Variants in TRERF1 observed in about 807,000 individuals in gnomAD.
TRERF1 encodes the protein transcriptional regulating factor 1.
In TRERF1, 27 loss-of-function variants were observed where a neutral mutation model predicts 122.9. The observed-to-expected ratio is 0.22, with a 90% confidence interval of 0.16 to 0.30. The LOEUF (loss-of-function observed/expected upper bound fraction) is 0.30. Ranked by LOEUF, TRERF1 falls within the 10% of genes least tolerant of loss-of-function variation. The pLI is 1.00. For missense variants in TRERF1, 1,248 were observed against 1,560.3 expected (o/e 0.80, Z 3.37); for synonymous variants, 636 against 641.7 (o/e 0.99, Z 0.13).
intron 13 of TRERF1, among the ~76,000 whole-genome samples, chr6:42,248,510 A>T (rs779467406): frequency 6.6e-6 from 1 of 151,986 alleles, no homozygotes; most frequent in Non-Finnish European, 1.5e-5. Context: ...GTGCCACCAC[A>T]CCTGGCTAAT....
intron 2 of TRERF1, among the ~76,000 whole-genome samples, chr6:42,389,853 T>C (rs1462020760): frequency 6.6e-6 from 1 of 152,240 alleles, no homozygotes; most frequent in Non-Finnish European, 1.5e-5. Context: ...AGAAGCTTCA[T>C]TTCTCAGGAC....
At chr6:42,375,261 C>G (rs1329660804) in intron 2 of TRERF1, among the ~76,000 whole-genome samples, 1 of 152,120 alleles carries the variant, frequency 6.6e-6, no homozygotes, top group East Asian at 1.9e-4. Context: ...TGCCTTCTGG[C>G]TGAAGATGCA....
chr6:42,256,921 G>C (rs752202869), intron 11 of TRERF1, 42 bp downstream of exon 11: 1 of 1,613,552 alleles, frequency 6.2e-7, no homozygotes, highest in South Asian at 1.1e-5. Flanking sequence ...CTCAGTGAGA[G>C]AATCAAACCT....
intron 4 of TRERF1, among the ~76,000 whole-genome samples, chr6:42,270,144 CCACTG>C (rs1447637220): frequency 1.3e-5 from 2 of 152,188 alleles, no homozygotes; most frequent in Admixed American, 6.5e-5. Context: ...TATGACTGCA[CCACTG>C]CACTGCAGCC....
chr6:42,228,340 G>A lies in TRERF1; in HGVS notation c.*5C>T. 1 of 1,604,772 alleles carries A rather than the reference G, an allele frequency of 6.2e-7. No individual in the cohort carries two copies. Among genetic ancestry groups the A allele is most frequent in the African/African-American group, 1.3e-5 (1 of 74,842 alleles). On this transcript the variant is annotated 3_prime_UTR_variant, in exon 18 of 18. Transcript: ENST00000372922. This position sits in a 1 kb window ranked among gnomAD's most constrained non-coding sequence, Gnocchi z 4.2. ...TTTCACTGTCTCTAAGTGACACACA[G>A]GGCTTTATAGTTCTGCGTCACCCTG...
At chr6:42,441,489 C>T (rs908796063) in intron 2 of TRERF1, among the ~76,000 whole-genome samples, 5 of 152,102 alleles carry the variant, frequency 3.3e-5, no homozygotes, top group African/African-American at 2.4e-5. Context: ...CATTTGCATT[C>T]GAGAGCTCAG....
chr6:42,242,342 C>T (rs1194527410), intron 15 of TRERF1, among the ~76,000 whole-genome samples: 1 of 152,228 alleles, frequency 6.6e-6, no homozygotes, highest in Non-Finnish European at 1.5e-5. Context: ...AAATAACACA[C>T]ATACATGTGC....
chr6:42,433,302 A>G (rs1784768147), intron 2 of TRERF1, among the ~76,000 whole-genome samples: 2 of 152,144 alleles, frequency 1.3e-5, no homozygotes, highest in Admixed American at 1.3e-4. Context: ...CCAAGATACC[A>G]GAAAAAAAAG....
At chr6:42,318,164 A>AG in intron 3 of TRERF1, among the ~76,000 whole-genome samples, 1 of 152,286 alleles carries the variant, frequency 6.6e-6, no homozygotes, top group African/African-American at 2.4e-5. Context: ...CAAAAAAAAA[A>AG]AAAAGCTCTT....
intron 3 of TRERF1, among the ~76,000 whole-genome samples, chr6:42,301,190 T>C (rs1786108189): frequency 2.0e-5 from 3 of 152,126 alleles, no homozygotes; most frequent in African/African-American, 7.2e-5. Context: ...GCTTCTCAAG[T>C]TATTTGTCAT....
rs929780602 is a variant in TRERF1 at position 42,430,335 on chromosome 6, G to A, written c.-454+20842C>T. Among the ~76,000 whole-genome samples, 6 of 152,046 alleles carry A rather than the reference G, an allele frequency of 3.9e-5. No homozygotes were observed. The East Asian group carries it at 5.8e-4, about 15-fold the overall frequency. On this transcript the variant is annotated intron_variant, in intron 2 of 17. Coordinates refer to ENST00000372922, the Ensembl canonical transcript of TRERF1. ...AAACTCAAACAATCTTAAGAAAACC[G>A]GCAAGTCCCACACCTACTGCCCCCC... is the stretch of plus-strand genomic sequence containing the variant.
At chr6:42,270,518 T>C (rs192531160) in intron 4 of TRERF1, among the ~76,000 whole-genome samples, 2 of 152,308 alleles carry the variant, frequency 1.3e-5, no homozygotes, top group Admixed American at 6.5e-5. Flanking sequence ...TAGACACCTA[T>C]TAACTGTAAG....
chr6:42,269,736 C>G lies in TRERF1; in HGVS notation c.-146G>C, dbSNP rs144971920. ...GACATGTCTGTGAACGTGGCTGGAG[C>G]CAGGTGTTCCTGTTGGCCTGTACCA... On this transcript the variant is annotated 5_prime_UTR_variant, in exon 5 of 18. Coordinates refer to ENST00000372922, the Ensembl canonical transcript of TRERF1. This position sits in a 1 kb window ranked among gnomAD's most constrained non-coding sequence, Gnocchi z 4.9. The G allele has an allele frequency of 6.9e-7, 1 of 1,448,410 alleles. No individual in the cohort carries two copies. Among genetic ancestry groups the G allele is most frequent in the Non-Finnish European group, 9.0e-7 (1 of 1,107,682 alleles). 89.7% of individuals were successfully genotyped at this position (1,448,410 alleles called of 1,614,324 possible).
In TRERF1 at chr6:42,350,416, C is replaced by T. The variant is rs189127439; in HGVS notation, c.-371+12581G>A. The stretch of plus-strand genomic sequence containing the variant: ...TATAAGCTCTAACACGAAAAATGGC[C>T]AGATGGCCCCTGAGGCCCCGCTATT... On this transcript the variant is annotated intron_variant, in intron 3 of 17. Transcript: ENST00000372922. Among the ~76,000 whole-genome samples the T allele has an allele frequency of 2.7e-3, 407 of 152,318 alleles. 1 individual carries two copies. Among genetic ancestry groups the T allele is most frequent in the Non-Finnish European group, 3.3e-3 (222 of 68,020 alleles).
At chr6:42,254,989 C>T (rs1434191214) in intron 12 of TRERF1, 63 bp from the exon 13 acceptor site, 17 of 1,538,880 alleles carry the variant, frequency 1.1e-5, no homozygotes, top group Non-Finnish European at 1.5e-5. Context: ...CTATGGAGAT[C>T]ATCTACCCAA....
chr6:42,228,670 C>G lies in TRERF1; in HGVS notation c.3279-1G>C. ...TCGGCTTTTGATCTTGAAGAAGACT[C>G]TAAAAATAAAGAAAGAGAGGTGTGT... On this transcript the variant is annotated splice_acceptor_variant, in intron 17 of 17. Transcript: ENST00000372922. LOFTEE classifies it high-confidence loss of function. This position sits in a 1 kb window ranked among gnomAD's most constrained non-coding sequence, Gnocchi z 4.2. 1 of 1,587,092 alleles carries G rather than the reference C, an allele frequency of 6.3e-7. No individual in the cohort carries two copies.
intron 13 of TRERF1, among the ~76,000 whole-genome samples, chr6:42,250,412 A>G (rs150708003): frequency 6.6e-6 from 1 of 152,278 alleles, no homozygotes; most frequent in African/African-American, 2.4e-5. Context: ...TCCGAAGTTA[A>G]CGAAAGGCTC....
chr6:42,287,758 C>G (rs1212560630), intron 4 of TRERF1, among the ~76,000 whole-genome samples: 1 of 152,152 alleles, frequency 6.6e-6, no homozygotes, highest in African/African-American at 2.4e-5. Flanking sequence ...CCCTGGCCAT[C>G]TTCTCTCATT....
chr6:42,240,899 G>GT (rs1031529123), intron 15 of TRERF1, among the ~76,000 whole-genome samples: 16 of 149,370 alleles, frequency 1.1e-4, no homozygotes, highest in South Asian at 4.2e-4. Flanking sequence ...TTTGTTTTTT[G>GT]TTTTTTTTTC....
Sources: allele counts gnomAD v4.1 joint callset (sites outside exome capture counted in the v4.1 genomes callset), GRCh38; gene constraint gnomAD v4.1.1; non-coding constraint Gnocchi (gnomAD v3.1); transcripts MANE v1.5; gene names NCBI Gene and HGNC (gene_info 2026-07-23, HGNC 2026-07-21).